The following RINT1 variants were observed in gnomAD, a reference collection of about 807,000 sequenced individuals.
RINT1 encodes RAD50-interacting protein 1.
In RINT1, 75 loss-of-function variants were observed where a neutral mutation model predicts 97.7. The ratio of observed to expected loss-of-function variants is 0.77; its 90% CI spans 0.64 to 0.93. The LOEUF is 0.93. Ranked by LOEUF, RINT1 falls within the 40% of genes least tolerant of loss-of-function variation. RINT1 has a pLI of 0.00. For missense variants in RINT1, 892 were observed against 925.2 expected, an observed-to-expected ratio of 0.96 and a Z score of 0.47; for synonymous variants, 303 against 326.3, an observed-to-expected ratio of 0.93 and a Z score of 0.77.
At chr7:105,541,814 C>T (rs1790470370) in intron 3 of RINT1, 1 of 152,212 alleles carries the variant, frequency 6.6e-6, no homozygotes, top group Non-Finnish European at 1.5e-5. Flanking sequence ...GGATCCTCTG[C>T]TGAGCCTATG....
chr7:105,541,862 T>C (rs991220487), intron 3 of RINT1: 1 of 152,254 alleles, frequency 6.6e-6, no homozygotes, highest in African/African-American at 2.4e-5. Flanking sequence ...GCCAGTGAGT[T>C]AAGTCCCTTT....
chr7:105,563,875 A>C lies in RINT1; in HGVS notation c.1814A>C (p.Asp605Ala), dbSNP rs1226822222. 1.9e-6 allele frequency: 3 copies of C among 1,614,128 alleles called. No individual in the cohort carries two copies. Among genetic ancestry groups the C allele is most frequent in the Non-Finnish European group, 2.5e-6 (3 of 1,180,016 alleles). The change falls in exon 12 of 15, where the codon GAT becomes GCT. Residue 605 changes from aspartate (D) to alanine (A), a missense_variant. Asp to Ala is a moderately radical substitution (Grantham distance 126). Transcript: ENST00000257700. ...MINLLERLKH[D>A]MLTRQVDHVF... ...AACCTCTTAGAACGTTTAAAGCATG[A>C]TATGTTGACCCGTCAAGTAGACCAC...
At chr7:105,559,148 A>G (rs1363783685) in intron 11 of RINT1, among the ~76,000 whole-genome samples, 1 of 147,156 alleles carries the variant, frequency 6.8e-6, no homozygotes, top group Non-Finnish European at 1.5e-5. Flanking sequence ...TAATCCCAGC[A>G]CTTTGGGAGG....
Position 105,546,890 on chromosome 7 carries a change from T to G in RINT1, c.516-20T>G, listed in dbSNP as rs765820049. 2 of 1,565,514 alleles carry G rather than the reference T, an allele frequency of 1.3e-6. No individual in the cohort carries two copies. Among genetic ancestry groups the G allele is most frequent in the East Asian group, 2.2e-5 (1 of 44,476 alleles). The stretch of plus-strand genomic sequence containing the variant: ...ACTCTGTCTCAAAAGAAAAAAAAAT[T>G]TGCTTTACTTTGTTTACAGTGATAA... On this transcript the variant is annotated intron_variant, in intron 4 of 14. Transcript: ENST00000257700.
At chr7:105,562,973 T>C (rs1400607330) in intron 11 of RINT1, among the ~76,000 whole-genome samples, 1 of 152,200 alleles carries the variant, frequency 6.6e-6, no homozygotes, top group East Asian at 1.9e-4. Context: ...TTGTTCATAA[T>C]AGACAAAGTA....
chr7:105,549,236 C>G (rs1562849291), intron 7 of RINT1, among the ~76,000 whole-genome samples: 2 of 152,080 alleles, frequency 1.3e-5, no homozygotes, highest in African/African-American at 4.8e-5. Context: ...ATCCACCTGA[C>G]TTAGCCTCCC....
chr7:105,555,315 C>A (rs1386712737), intron 11 of RINT1, 88 bp downstream of exon 11: 2 of 1,022,770 alleles, frequency 2.0e-6, no homozygotes, highest in Non-Finnish European at 2.8e-6. Context: ...CTATTGCAAG[C>A]AAAAATAAAC....
chr7:105,546,171 G>T (rs1489047164), intron 4 of RINT1, among the ~76,000 whole-genome samples: 1 of 152,148 alleles, frequency 6.6e-6, no homozygotes, highest in African/African-American at 2.4e-5. Flanking sequence ...GTTCAGCTGG[G>T]CAAAGTATGT....
Position 105,536,672 on chromosome 7 carries a change from A to G in RINT1, c.196A>G (p.Asn66Asp), listed in dbSNP as rs1031748446. ...VSAFIEKEVG[N>D]DLKSLKKLDK... ...TGCATTCATAGAAAAGGAAGTTGGA[A>G]ATGACCTTAAATCTTTAAAGAAACT... The change falls in exon 3 of 15, where the codon AAT becomes GAT. Residue 66 changes from asparagine to aspartate, a missense_variant. By Grantham distance (23) the Asn-to-Asp change is conservative. Coordinates refer to ENST00000257700, the MANE Select transcript of RINT1 (RefSeq NM_021930.6). The G allele has an allele frequency of 1.9e-6, 3 of 1,612,950 alleles. No individual in the cohort carries two copies. The highest frequency in any genetic ancestry group is 2.5e-6 in the Non-Finnish European group (3 of 1,179,424).
At chr7:105,555,775 G>T (rs1791151560) in intron 11 of RINT1, among the ~76,000 whole-genome samples, 1 of 152,080 alleles carries the variant, frequency 6.6e-6, no homozygotes, top group African/African-American at 2.4e-5. Context: ...GAGCCCAGGA[G>T]TTGGAGACCA....
Position 105,565,623 on chromosome 7 carries a change from A to G in RINT1, c.2161A>G (p.Lys721Glu), listed in dbSNP as rs1562862416. Residue 721 changes from lysine (K) to glutamate (E), a missense_variant, in exon 14 of 15, where the codon AAG (lysine) becomes GAG (glutamate). Lys to Glu is a moderately conservative substitution (Grantham distance 56). Coordinates refer to ENST00000257700, the MANE Select transcript of RINT1 (RefSeq NM_021930.6). Reference sequence around the variant, plus strand: ...TTTCCCTTTGTTTTCTCACTATTGCAAGAGACCAGAAAATTATTTTAAACA... The same window carrying G: ...TTTCCCTTTGTTTTCTCACTATTGCGAGAGACCAGAAAATTATTTTAAACA... ...NLFPLFSHYC[K>E]RPENYFKHIK... 6.2e-7 allele frequency: 1 copy of G among 1,609,066 alleles called. No homozygotes were observed. Among genetic ancestry groups the G allele is most frequent in the Non-Finnish European group, 8.5e-7 (1 of 1,175,928 alleles).
At chr7:105,555,959 A>G in intron 11 of RINT1, among the ~76,000 whole-genome samples, 1 of 152,234 alleles carries the variant, frequency 6.6e-6, no homozygotes, top group East Asian at 1.9e-4. Context: ...CCCTGTCTCT[A>G]CAAAAAATAA....
intron 3 of RINT1, among the ~76,000 whole-genome samples, chr7:105,538,075 C>T (rs1790317521): frequency 6.6e-6 from 1 of 151,848 alleles, no homozygotes; most frequent in Non-Finnish European, 1.5e-5. Context: ...TCACTGCAAC[C>T]TCTGCCTCCT....
intron 6 of RINT1, among the ~76,000 whole-genome samples, chr7:105,547,854 AG>A (rs1397967513): frequency 5.3e-5 from 8 of 150,994 alleles, no homozygotes; most frequent in African/African-American, 2.0e-4. Flanking sequence ...CAGCCTCCCG[AG>A]TAGCTGGGAT....
intron 11 of RINT1, among the ~76,000 whole-genome samples, chr7:105,563,330 C>T (rs1791522929): frequency 6.6e-6 from 1 of 152,082 alleles, no homozygotes. Context: ...GATGGATATA[C>T]AACTGAATAT....
intron 11 of RINT1, among the ~76,000 whole-genome samples, chr7:105,558,033 G>A (rs1791260586): frequency 6.6e-6 from 1 of 152,152 alleles, no homozygotes; most frequent in Non-Finnish European, 1.5e-5. Context: ...CAGCTAATCA[G>A]TCTGGGTGTG....
chr7:105,554,197 G>A (rs533539902), intron 10 of RINT1, among the ~76,000 whole-genome samples: 15 of 143,918 alleles, frequency 1.0e-4, no homozygotes, highest in Admixed American at 4.8e-4. Flanking sequence ...TGTGCCCGGC[G>A]AATTTTTTTG....
chr7:105,534,797 G>C (rs915523038), intron 2 of RINT1, among the ~76,000 whole-genome samples: 1 of 152,022 alleles, frequency 6.6e-6, no homozygotes, highest in Non-Finnish European at 1.5e-5. Context: ...GAAAAGGTCA[G>C]TACCACCTCC....
chr7:105,534,560 A>AT (rs1347766765), intron 2 of RINT1, among the ~76,000 whole-genome samples: 1 of 149,320 alleles, frequency 6.7e-6, no homozygotes, highest in African/African-American at 2.4e-5. Context: ...AATATTATAT[A>AT]TAATTATATA....
Sources: gnomAD v4.1 joint callset for allele counts (sites outside exome capture counted in the v4.1 genomes callset) on GRCh38, gnomAD v4.1.1 for gene constraint, MANE v1.5 for transcripts, NCBI Gene and HGNC (gene_info 2026-07-23, HGNC 2026-07-21) for gene names.